TTC17: variants seen among roughly 807,000 people sequenced by gnomAD.
TTC17 encodes the protein tetratricopeptide repeat domain 17.
In TTC17, 58 loss-of-function variants were observed where a neutral mutation model predicts 143.8. The observed-to-expected ratio is 0.40, with a 90% CI of 0.33 to 0.50. The LOEUF (loss-of-function observed/expected upper bound fraction) is 0.50. TTC17 is among the 20% of genes least tolerant of loss of function. The pLI is 0.49. For missense variants in TTC17, 1,273 were observed against 1,392.5 expected (o/e 0.91, Z 1.37); for synonymous variants, 501 against 497.8 (o/e 1.01, Z -0.09).
intron 18 of TTC17, chr11:43,446,313 G>T (rs766024865): frequency 3.4e-5 from 15 of 444,484 alleles, no homozygotes; most frequent in East Asian, 7.0e-5. Context: ...GGCAGAATTA[G>T]TTACTCTTTC....
At chr11:43,438,657 A>T (rs1273957462) in intron 16 of TTC17, among the ~76,000 whole-genome samples, 2 of 152,082 alleles carry the variant, frequency 1.3e-5, no homozygotes, top group East Asian at 1.9e-4. Context: ...TGTCGGTCAG[A>T]TTTTGTTGGC....
At chr11:43,471,075 CTA>C (rs1182510667) in intron 21 of TTC17, among the ~76,000 whole-genome samples, 1 of 152,202 alleles carries the variant, frequency 6.6e-6, no homozygotes, top group African/African-American at 2.4e-5. Flanking sequence ...TAACCAGACT[CTA>C]TTTTAGGATT....
rs968775597 is a variant in TTC17 at position 43,472,688 on chromosome 11, T to G, written c.3031-17551T>G. Among the ~76,000 whole-genome samples the G allele has an allele frequency of 7.9e-5, 12 of 152,262 alleles. No individual in the cohort carries two copies. The East Asian group carries it at 1.5e-3, about 20-fold the overall frequency. On this transcript the variant is annotated intron_variant, in intron 21 of 23. Transcript: ENST00000039989. ...TGACCTAACTGATATTTCTATAATG[T>G]TGATATCAACTGTGACAAACTACTC...
intron 15 of TTC17, 33 bp from the exon 16 acceptor site, chr11:43,414,557 A>AT: frequency 6.3e-7 from 1 of 1,582,654 alleles, no homozygotes; most frequent in South Asian, 1.1e-5. Context: ...ATATTAGTTC[A>AT]TTAACATTTT....
chr11:43,465,001 C>G (rs544364007), intron 21 of TTC17, among the ~76,000 whole-genome samples: 83 of 152,310 alleles, frequency 5.4e-4, no homozygotes, highest in African/African-American at 1.9e-3. Context: ...TATTAGAGTT[C>G]AAGACCCAGC....
chr11:43,370,811 T>G (rs1021685019), intron 1 of TTC17, among the ~76,000 whole-genome samples: 2 of 151,850 alleles, frequency 1.3e-5, no homozygotes, highest in African/African-American at 4.8e-5. Context: ...TTTGTTTGTT[T>G]GTTTGTTTGT....
At position 43,447,987 on chromosome 11, in the gene TTC17, A is replaced by C; in HGVS notation, c.2666-15A>C. ...CTTTGCAATTGTGTGGATTCATGGC[A>C]TACTTTCCTTCCAGGAAAAAAACGT... On this transcript the variant is annotated splice_polypyrimidine_tract_variant and intron_variant, in intron 18 of 23. Transcript: ENST00000039989. The C allele has an allele frequency of 6.2e-7, 1 of 1,613,148 alleles. No individual in the cohort carries two copies. Among genetic ancestry groups the C allele is most frequent in the Non-Finnish European group, 8.5e-7 (1 of 1,179,532 alleles).
At chr11:43,361,668 T>C (rs1055097199) in intron 1 of TTC17, among the ~76,000 whole-genome samples, 1 of 152,256 alleles carries the variant, frequency 6.6e-6, no homozygotes, top group African/African-American at 2.4e-5. Flanking sequence ...AAATTATAAG[T>C]TGAACCATCG....
chr11:43,368,811 C>G (rs75293562), intron 1 of TTC17, among the ~76,000 whole-genome samples: 1 of 152,344 alleles, frequency 6.6e-6, no homozygotes, highest in African/African-American at 2.4e-5. Flanking sequence ...CTACAAGGTC[C>G]TGTAAGATCT....
intron 18 of TTC17, 59 bp downstream of exon 18, chr11:43,444,268 C>A: frequency 6.6e-7 from 1 of 1,516,004 alleles, no homozygotes; most frequent in South Asian, 1.3e-5. Flanking sequence ...TCTCATTTCT[C>A]ACAAAGGTTG....
intron 6 of TTC17, chr11:43,397,095 G>C (rs1320168066): frequency 6.3e-6 from 3 of 478,202 alleles, no homozygotes; most frequent in African/African-American, 5.8e-5. Context: ...CATAAACTAA[G>C]TTTAACTTTT....
intron 21 of TTC17, among the ~76,000 whole-genome samples, chr11:43,460,293 T>C (rs1947841351): frequency 6.6e-6 from 1 of 152,182 alleles, no homozygotes; most frequent in Non-Finnish European, 1.5e-5. Context: ...AAATTGCTTA[T>C]CACTTTCAGC....
At chr11:43,388,592 A>G (rs572929806) in intron 2 of TTC17, among the ~76,000 whole-genome samples, 2 of 151,626 alleles carry the variant, frequency 1.3e-5, no homozygotes, top group African/African-American at 4.8e-5. Flanking sequence ...TAGTCCCAAC[A>G]CTTTGGGAGG....
At chr11:43,459,920 G>A (rs1947833107) in intron 21 of TTC17, among the ~76,000 whole-genome samples, 1 of 152,152 alleles carries the variant, frequency 6.6e-6, no homozygotes. Context: ...AGCAATGACA[G>A]GTTAAGCTAT....
chr11:43,484,873 A>G (rs528398319), intron 21 of TTC17, among the ~76,000 whole-genome samples: 3 of 152,046 alleles, frequency 2.0e-5, no homozygotes, highest in South Asian at 4.2e-4. Flanking sequence ...CTTCATCTCT[A>G]TTTACAGCCA....
intron 1 of TTC17, among the ~76,000 whole-genome samples, chr11:43,364,762 G>A (rs1856262559): frequency 6.6e-6 from 1 of 152,068 alleles, no homozygotes; most frequent in Admixed American, 6.6e-5. Context: ...AAATAAATTA[G>A]AACTTTAAAT....
chr11:43,404,154 T>C lies in TTC17; in HGVS notation c.1479+10T>C, dbSNP rs1385039468. Reference sequence around the variant, plus strand: ...CTCTGATGCATATAGGGTAAGTTAATAGAGGATGACGAAGCAGTTTTCTCA... The same window carrying C: ...CTCTGATGCATATAGGGTAAGTTAACAGAGGATGACGAAGCAGTTTTCTCA... On this transcript the variant is annotated intron_variant, in intron 11 of 23. Transcript: ENST00000039989. 2 of 1,598,338 alleles carry C rather than the reference T, an allele frequency of 1.3e-6. No individual in the cohort carries two copies. The highest frequency in any genetic ancestry group is 2.2e-5 in the East Asian group (1 of 44,666).
chr11:43,412,734 A>G (rs749650610), intron 15 of TTC17, among the ~76,000 whole-genome samples: 27 of 152,156 alleles, frequency 1.8e-4, no homozygotes, highest in Non-Finnish European at 3.7e-4. Flanking sequence ...ATATTCAAAG[A>G]TGTTAAAAAA....
rs372020286 is a variant in TTC17 at position 43,441,044 on chromosome 11, C to T, written c.2252-2281C>T. Among the ~76,000 whole-genome samples the T allele has an allele frequency of 2.5e-4, 38 of 151,550 alleles. 1 individual carries two copies. The South Asian group carries it at 7.1e-3, about 28-fold the overall frequency. ...AAGCACTTAGAGAGCCTGAGGTGGG[C>T]GGATCACCTGAGACCAGGAGTTCAA... On this transcript the variant is annotated intron_variant, in intron 16 of 23. Coordinates refer to ENST00000039989, the MANE Select transcript of TTC17 (RefSeq NM_018259.6).
Sources: allele counts gnomAD v4.1 joint callset (sites outside exome capture counted in the v4.1 genomes callset), GRCh38; gene constraint gnomAD v4.1.1; transcripts MANE v1.5; gene names NCBI Gene and HGNC (gene_info 2026-07-23, HGNC 2026-07-21).